Variants in TBKBP1 observed in about 807,000 individuals in gnomAD.
The protein encoded by TBKBP1 is TBK1 binding protein 1, also known as TANK-binding kinase 1-binding protein 1.
Under a neutral mutation model 69.9 loss-of-function variants are expected in TBKBP1, and 47 were observed. The ratio of observed to expected loss-of-function variants is 0.67; its 90% CI spans 0.53 to 0.86. The LOEUF (loss-of-function observed/expected upper bound fraction) is 0.86. TBKBP1 is among the 40% of genes least tolerant of loss of function. The pLI is 0.00. For missense variants in TBKBP1, 831 were observed against 858.6 expected (o/e 0.97, Z 0.40); for synonymous variants, 418 against 390.3 (o/e 1.07, Z -0.84).
chr17:47,703,303 G>A (rs1043325267), intron 7 of TBKBP1, among the ~76,000 whole-genome samples: 7 of 152,138 alleles, frequency 4.6e-5, no homozygotes, highest in Admixed American at 6.5e-5. Flanking sequence ...AACTCTGCAC[G>A]GAGGTCAAGG....
In TBKBP1 at chr17:47,711,869, C is replaced by A. The variant is rs1002320549; in HGVS notation, c.*1243C>A. On this transcript the variant is annotated 3_prime_UTR_variant, in exon 10 of 10. Coordinates refer to ENST00000578982, the MANE Select transcript of TBKBP1 (RefSeq NM_001394755.1). ...CTCTTCCAGGCCCCACCTCCCTGCA[C>A]CCCTCCCCTCTATAGAGCAGGGGAG... The A allele has an allele frequency of 6.5e-6, 1 of 152,708 alleles. No homozygotes were observed. Among genetic ancestry groups the A allele is most frequent in the African/African-American group, 2.4e-5 (1 of 41,458 alleles). 9.5% of individuals were successfully genotyped at this position (152,708 alleles called of 1,614,324 possible).
chr17:47,706,363 C>G (rs551505050), intron 7 of TBKBP1, among the ~76,000 whole-genome samples: 3 of 152,226 alleles, frequency 2.0e-5, no homozygotes, highest in African/African-American at 7.2e-5. Context: ...TGGGGAGTCC[C>G]CAATTTGACG....
chr17:47,708,952 C>A lies in TBKBP1; in HGVS notation c.1219C>A (p.Gln407Lys). 1 of 1,224,196 alleles carries A rather than the reference C, an allele frequency of 8.2e-7. No individual in the cohort carries two copies. Among genetic ancestry groups the A allele is most frequent in the Non-Finnish European group, 1.0e-6 (1 of 975,048 alleles). The allele number at this position is 1,224,196 out of a possible 1,614,324, so 75.8% of individuals were successfully genotyped here. Residue 407 changes from glutamine to lysine, a missense_variant, in exon 9 of 10, where the codon CAG becomes AAG. Physicochemically the swap from Gln to Lys is moderately conservative, Grantham distance 53. Coordinates refer to ENST00000578982, the MANE Select transcript of TBKBP1 (RefSeq NM_001394755.1). This position sits in a 1 kb window ranked among gnomAD's most constrained non-coding sequence, Gnocchi z 4.4. ...QRRSPVPPSC[Q>K]SPSPQRRSPV... ...CCGCTCGCCGGTGCCGCCGTCGTGC[C>A]AGTCCCCCAGCCCGCAGCGCCGTTC...
intron 1 of TBKBP1, among the ~76,000 whole-genome samples, chr17:47,694,897 G>A (rs899619330): frequency 6.6e-6 from 1 of 150,408 alleles, no homozygotes; most frequent in African/African-American, 2.4e-5. Flanking sequence ...GAGGGGGGGG[G>A]GTGGATTGAA....
chr17:47,699,788 C>A, intron 7 of TBKBP1, 91 bp downstream of exon 7: 1 of 1,446,330 alleles, frequency 6.9e-7, no homozygotes, highest in Non-Finnish European at 9.7e-7. Context: ...GCTGCTGTTG[C>A]TCTGTGTGCA....
intron 1 of TBKBP1, 40 bp downstream of exon 1, chr17:47,694,234 G>A (rs1332116350): frequency 6.6e-6 from 1 of 150,850 alleles, no homozygotes; most frequent in African/African-American, 2.4e-5. Context: ...GGAGGGGAGC[G>A]GCGCCCGGGC....
chr17:47,698,440 G>A (rs1298534747), intron 4 of TBKBP1, among the ~76,000 whole-genome samples, 155 bp from the exon 5 acceptor site: 1 of 152,240 alleles, frequency 6.6e-6, no homozygotes, highest in African/African-American at 2.4e-5. Flanking sequence ...CAGCTGCATT[G>A]CGGTGGCTGA....
intron 7 of TBKBP1, among the ~76,000 whole-genome samples, chr17:47,703,112 C>G (rs972994263): frequency 3.9e-5 from 6 of 152,036 alleles, no homozygotes; most frequent in Admixed American, 3.9e-4. Context: ...GATGGGGACT[C>G]AGTATGGGCG....
In TBKBP1 at chr17:47,708,932, C is replaced by T. The variant is rs2031803236; in HGVS notation, c.1199C>T (p.Ser400Leu). The change falls in exon 9 of 10, where the codon TCG (serine) becomes TTG (leucine). Residue 400 changes from serine to leucine, a missense_variant. Physicochemically the swap from Ser to Leu is moderately radical, Grantham distance 145 (BLOSUM62 -2). Transcript: ENST00000578982. This position sits in a 1 kb window ranked among gnomAD's most constrained non-coding sequence, Gnocchi z 4.4. ...SCPSPVPQRRSPVPPSCQSPS... is the reference protein window; with the variant it reads ...SCPSPVPQRRLPVPPSCQSPS... ...CCGTCGCCCGTCCCGCAGCGCCGCT[C>T]GCCGGTGCCGCCGTCGTGCCAGTCC... The T allele has an allele frequency of 4.7e-6, 6 of 1,267,752 alleles. No homozygotes were observed. Among genetic ancestry groups the T allele is most frequent in the East Asian group, 4.6e-5 (1 of 21,844 alleles). 78.5% of individuals were successfully genotyped at this position (1,267,752 alleles called of 1,614,324 possible).
chr17:47,698,717 C>T lies in TBKBP1; in HGVS notation c.576C>T (p.Pro192=), dbSNP rs2031358152. 1 of 1,607,770 alleles carries T rather than the reference C, an allele frequency of 6.2e-7. No homozygotes were observed. Among genetic ancestry groups the T allele is most frequent in the African/African-American group, 1.3e-5 (1 of 74,696 alleles). ...NLSPPPAPAP[P]CTDLDLHYLA... is the part of the protein sequence containing the mutation. ...GCCCACCGCCAGCCCCCGCCCCTCC[C>T]TGCACTGATTTAGACCTGCACTACC... is the stretch of plus-strand genomic sequence containing the variant. Residue 192 remains proline (P), a synonymous_variant, in exon 5 of 10, where the codon CCC becomes CCT. Transcript: ENST00000578982.
At chr17:47,701,187 G>A (rs912125138) in intron 7 of TBKBP1, among the ~76,000 whole-genome samples, 7 of 152,168 alleles carry the variant, frequency 4.6e-5, no homozygotes, top group Non-Finnish European at 5.9e-5. Context: ...GTGAGGGCTT[G>A]GGTGGAGCTG....
At chr17:47,694,885 C>T (rs1206873204) in intron 1 of TBKBP1, among the ~76,000 whole-genome samples, 2 of 6,732 alleles carry the variant, frequency 3.0e-4, no homozygotes, top group Non-Finnish European at 7.0e-4. Context: ...CTGTGGGTGG[C>T]GGAGGGGGGG....
chr17:47,702,770 G>A (rs2031554980), intron 7 of TBKBP1, among the ~76,000 whole-genome samples: 1 of 152,072 alleles, frequency 6.6e-6, no homozygotes, highest in Non-Finnish European at 1.5e-5. Flanking sequence ...TCACGCAGAG[G>A]CCAAAGGCAG....
intron 3 of TBKBP1, 81 bp downstream of exon 3, chr17:47,696,914 C>T: frequency 3.2e-6 from 5 of 1,570,544 alleles, no homozygotes; most frequent in Non-Finnish European, 4.3e-6. Context: ...CACCCCCCAG[C>T]ATCTGGCCTC....
intron 7 of TBKBP1, among the ~76,000 whole-genome samples, chr17:47,704,238 CA>C (rs1350607804): frequency 6.6e-6 from 1 of 152,204 alleles, no homozygotes; most frequent in Non-Finnish European, 1.5e-5. Context: ...GGATTCGTGG[CA>C]GGGGCTGCCA....
chr17:47,699,740 A>G, intron 7 of TBKBP1, 43 bp downstream of exon 7: 2 of 1,611,384 alleles, frequency 1.2e-6, no homozygotes, highest in Non-Finnish European at 1.7e-6. Context: ...GATGTTTGGG[A>G]GACCTCCCCT....
Position 47,708,278 on chromosome 17 carries a change from G to C in TBKBP1, c.873-116G>C. ...TCTGCAATTGGGGTAGGAGGGCCCT[G>C]CGGGTGGGAGGGAGCATGGTGGGGC... On this transcript the variant is annotated intron_variant, in intron 7 of 9. Transcript: ENST00000578982. This position sits in a 1 kb window ranked among gnomAD's most constrained non-coding sequence, Gnocchi z 4.4. The C allele has an allele frequency of 9.2e-7, 1 of 1,081,346 alleles. No individual in the cohort carries two copies. The highest frequency in any genetic ancestry group is 1.5e-5 in the South Asian group (1 of 66,900). The allele number at this position is 1,081,346 out of a possible 1,614,324, so 67.0% of individuals were successfully genotyped here. A position where few individuals can be genotyped will look rare whatever the true frequency, so the allele number is the denominator to read the frequency against.
intron 9 of TBKBP1, 104 bp downstream of exon 9, chr17:47,709,556 G>A: frequency 7.3e-7 from 1 of 1,376,130 alleles, no homozygotes; most frequent in Non-Finnish European, 9.4e-7. Context: ...GGGTGTCAGC[G>A]CACAAACTAT....
At chr17:47,707,615 C>G (rs1397284039) in intron 7 of TBKBP1, among the ~76,000 whole-genome samples, 1 of 152,200 alleles carries the variant, frequency 6.6e-6, no homozygotes, top group Non-Finnish European at 1.5e-5. Flanking sequence ...GTGACTGGCA[C>G]TCACTGCAAG....
Sources: gnomAD v4.1 joint callset for allele counts (sites outside exome capture counted in the v4.1 genomes callset) on GRCh38, gnomAD v4.1.1 for gene constraint, Gnocchi (gnomAD v3.1) non-coding constraint, MANE v1.5 for transcripts, NCBI Gene and HGNC (gene_info 2026-07-23, HGNC 2026-07-21) for gene names.